The following CBX7 variants were observed in gnomAD, a reference collection of about 807,000 sequenced individuals.
CBX7 encodes the protein chromobox protein homolog 7.
A neutral mutation model predicts 31.4 loss-of-function variants in CBX7; 14 were observed. That is an observed-to-expected ratio of 0.45 (90% CI 0.29 to 0.70). CBX7 has a LOEUF of 0.70. Among genes scored for constraint, CBX7 ranks in the 30% least tolerant of loss-of-function variants. The pLI is 0.11. For missense variants in CBX7, 269 were observed against 351.9 expected (o/e 0.76, Z 1.89); for synonymous variants, 159 against 152.6 (o/e 1.04, Z -0.31).
intron 2 of CBX7, among the ~76,000 whole-genome samples, chr22:39,145,082 T>A (rs1043807814): frequency 6.6e-6 from 1 of 152,052 alleles, no homozygotes; most frequent in Non-Finnish European, 1.5e-5. Flanking sequence ...CAGTCCTCAG[T>A]GTCCGACCGC....
rs918163617 is a variant in CBX7, at chr22:39,152,331, A to T, written c.69+45T>A. 5.6e-6 allele frequency: 7 copies of T among 1,256,064 alleles called. No homozygotes were observed. The highest frequency in any genetic ancestry group is 7.2e-6 in the Non-Finnish European group (7 of 965,932). The allele number at this position is 1,256,064 out of a possible 1,614,324, so 77.8% of individuals were successfully genotyped here. A position where few individuals can be genotyped will look rare whatever the true frequency, so the allele number is the denominator to read the frequency against. On this transcript the variant is annotated intron_variant, in intron 1 of 5. Transcript: ENST00000216133. This position sits in a 1 kb window ranked among gnomAD's most constrained non-coding sequence, Gnocchi z 4.9. ...TGGAGGGAGCGGTGCTGGGGACGGGAGGGACCCCACTGGGGTCCTGGGAGC... is the reference window on the plus strand; with the variant it reads ...TGGAGGGAGCGGTGCTGGGGACGGGTGGGACCCCACTGGGGTCCTGGGAGC...
At position 39,152,533 on chromosome 22, in the gene CBX7, G is replaced by A. The variant is rs1930901744; in HGVS notation, c.-89C>T. On this transcript the variant is annotated 5_prime_UTR_variant, in exon 1 of 6. Transcript: ENST00000216133. This position sits in a 1 kb window ranked among gnomAD's most constrained non-coding sequence, Gnocchi z 4.9. ...GCTGCGGCGCGCGATGCTGGGGCTG[G>A]CGGGGTCCCCGTCACCCTCGTCCGG... 1.9e-6 allele frequency: 1 copy of A among 540,360 alleles called. No individual in the cohort carries two copies. The highest frequency in any genetic ancestry group is 6.5e-5 in the Admixed American group (1 of 15,396). 33.5% of individuals were successfully genotyped at this position (540,360 alleles called of 1,614,324 possible). A position where few individuals can be genotyped will look rare whatever the true frequency, so the allele number is the denominator to read the frequency against.
At chr22:39,139,702 C>CAA (rs67244690) in intron 3 of CBX7, among the ~76,000 whole-genome samples, 36 of 32,008 alleles carry the variant, frequency 1.1e-3, no homozygotes, top group East Asian at 2.6e-3. Context: ...GACTCCATCT[C>CAA]AAAAAAAAAA....
chr22:39,140,516 A>C (rs1930415733), intron 3 of CBX7, among the ~76,000 whole-genome samples: 1 of 152,132 alleles, frequency 6.6e-6, no homozygotes, highest in Non-Finnish European at 1.5e-5. Flanking sequence ...AGCGAGGGGC[A>C]GTGGAAAAGC....
At position 39,133,091 on chromosome 22, in the gene CBX7, CT is replaced by C. The variant is rs1930104208; in HGVS notation, c.*799del. The C allele has an allele frequency of 6.6e-6, 1 of 152,212 alleles. No homozygotes were observed. The highest frequency in any genetic ancestry group is 2.1e-4 in the South Asian group (1 of 4,826). The allele number at this position is 152,212 out of a possible 1,614,324, so 9.4% of individuals were successfully genotyped here. On this transcript the variant is annotated 3_prime_UTR_variant, in exon 6 of 6. Transcript: ENST00000216133. ...GTGAGTGCAGGTGTGGTGGTGAGGT[CT>C]TTTGTGCTGTGAATCACCCCACGTT...
chr22:39,144,277 C>G (rs1930563791), intron 2 of CBX7, among the ~76,000 whole-genome samples: 1 of 152,238 alleles, frequency 6.6e-6, no homozygotes, highest in Non-Finnish European at 1.5e-5. Flanking sequence ...CATGTGCCCC[C>G]TGCCAGCCGG....
chr22:39,151,171 C>G (rs1298307123), intron 1 of CBX7, among the ~76,000 whole-genome samples: 2 of 152,238 alleles, frequency 1.3e-5, no homozygotes, highest in Non-Finnish European at 2.9e-5. Context: ...TCAGGCTACA[C>G]AGCACGAAAA....
intron 2 of CBX7, among the ~76,000 whole-genome samples, chr22:39,145,748 C>G (rs994984662): frequency 6.7e-6 from 1 of 149,706 alleles, no homozygotes; most frequent in African/African-American, 2.4e-5. Flanking sequence ...GGGACAGGGA[C>G]GGCGCGCGCC....
intron 2 of CBX7, among the ~76,000 whole-genome samples, chr22:39,144,570 A>C (rs999743553): frequency 6.6e-6 from 1 of 152,226 alleles, no homozygotes; most frequent in Non-Finnish European, 1.5e-5. Context: ...CCGAAAGCGA[A>C]ACTACAGCAG....
At position 39,133,782 on chromosome 22, in the gene CBX7, C is replaced by T. The variant is rs374908532; in HGVS notation, c.*109G>A. 26 of 1,088,480 alleles carry T rather than the reference C, an allele frequency of 2.4e-5. No individual in the cohort carries two copies. Among genetic ancestry groups the T allele is most frequent in the East Asian group, 1.2e-4 (4 of 34,624 alleles). The allele number at this position is 1,088,480 out of a possible 1,614,324, so 67.4% of individuals were successfully genotyped here. A position where few individuals can be genotyped will look rare whatever the true frequency, so the allele number is the denominator to read the frequency against. ...TGGGATCTTCTCCCCTTTTGCTGCT[C>T]GGTATTTTTTTAAATAAAATAATTA... On this transcript the variant is annotated 3_prime_UTR_variant, in exon 6 of 6. Transcript: ENST00000216133.
Position 39,152,521 on chromosome 22 carries a change from A to T in CBX7, c.-77T>A, listed in dbSNP as rs1930901035. 5 of 627,860 alleles carry T rather than the reference A, an allele frequency of 8.0e-6. No homozygotes were observed. The highest frequency in any genetic ancestry group is 9.9e-6 in the Non-Finnish European group (5 of 504,712). 38.9% of individuals were successfully genotyped at this position (627,860 alleles called of 1,614,324 possible). On this transcript the variant is annotated 5_prime_UTR_variant, in exon 1 of 6. Coordinates refer to ENST00000216133, the MANE Select transcript of CBX7 (RefSeq NM_175709.5). The surrounding 1 kb of genome is among the most constrained non-coding windows in gnomAD (Gnocchi z 4.9). The stretch of plus-strand genomic sequence containing the variant: ...TGCGGGGCCGCGGCTGCGGCGCGCG[A>T]TGCTGGGGCTGGCGGGGTCCCCGTC...
chr22:39,139,485 A>G (rs561214296), intron 3 of CBX7, among the ~76,000 whole-genome samples: 1 of 151,280 alleles, frequency 6.6e-6, no homozygotes, highest in Non-Finnish European at 1.5e-5. Context: ...GGCAGATTAC[A>G]AGGTCAGGAG....
At chr22:39,141,619 C>T (rs1311921376) in intron 2 of CBX7, among the ~76,000 whole-genome samples, 183 bp from the exon 3 acceptor site, 2 of 152,004 alleles carry the variant, frequency 1.3e-5, no homozygotes, top group African/African-American at 4.8e-5. Context: ...CGTGGTGGTG[C>T]ATGCCTGTAA....
intron 5 of CBX7, 168 bp from the exon 6 acceptor site, chr22:39,134,216 C>G: frequency 2.3e-6 from 2 of 858,914 alleles, no homozygotes; most frequent in African/African-American, 3.4e-5. Flanking sequence ...ATCCTCCCCA[C>G]CTAGACAAGA....
chr22:39,151,968 T>G (rs964110840), intron 1 of CBX7, among the ~76,000 whole-genome samples: 1 of 152,148 alleles, frequency 6.6e-6, no homozygotes, highest in East Asian at 1.9e-4. Context: ...AAAGCTCCAC[T>G]TACAACTTGA....
chr22:39,147,582 G>T (rs1224564946), intron 2 of CBX7: 1 of 150,404 alleles, frequency 6.6e-6, no homozygotes, highest in Non-Finnish European at 1.5e-5. Flanking sequence ...CCGAGGAGGG[G>T]AAGACAGAGC....
At chr22:39,145,823 C>G (rs956688342) in intron 2 of CBX7, among the ~76,000 whole-genome samples, 9 of 151,844 alleles carry the variant, frequency 5.9e-5, no homozygotes, top group Admixed American at 1.3e-4. Context: ...AAACAAGCCC[C>G]GGCCGCCCAG....
In CBX7 at chr22:39,134,008, A is replaced by G; in HGVS notation, c.639T>C (p.Pro213=). ...CGGTCACCTCACTTGAGGGGAGCGCAGGTGTCCAGGGAGGGGGCCCCTCGG... is the reference window on the plus strand; with the variant it reads ...CGGTCACCTCACTTGAGGGGAGCGCGGGTGTCCAGGGAGGGGGCCCCTCGG... ...DLAEGPPPWT[P]ALPSSEVTVT... The change falls in exon 6 of 6, where the codon CCT becomes CCC. Residue 213 remains proline, a synonymous_variant. Transcript: ENST00000216133. The G allele has an allele frequency of 6.2e-7, 1 of 1,611,916 alleles. No homozygotes were observed. The highest frequency in any genetic ancestry group is 1.1e-5 in the South Asian group (1 of 90,992).
At chr22:39,149,028 C>G (rs1930758994) in intron 2 of CBX7, 1 of 92,564 alleles carries the variant, frequency 1.1e-5, no homozygotes, top group African/African-American at 7.3e-5. Context: ...GGCCCCACGA[C>G]TAGCTCATTC....
Sources: gnomAD v4.1 joint callset for allele counts (sites outside exome capture counted in the v4.1 genomes callset) on GRCh38, gnomAD v4.1.1 for gene constraint, Gnocchi (gnomAD v3.1) non-coding constraint, MANE v1.5 for transcripts, NCBI Gene and HGNC (gene_info 2026-07-23, HGNC 2026-07-21) for gene names.